The following ANKRD55 variants were observed in gnomAD, a reference collection of about 807,000 sequenced individuals.
ANKRD55 encodes ankyrin repeat domain 55, also known as ankyrin repeat domain-containing protein 55.
In ANKRD55, 41 loss-of-function variants were observed where a neutral mutation model predicts 60.6. The ratio of observed to expected loss-of-function variants is 0.68; its 90% CI spans 0.53 to 0.88. The LOEUF is 0.88. ANKRD55 is among the 40% of genes least tolerant of loss of function. ANKRD55 has a pLI of 0.00. For synonymous variants in ANKRD55, 264 were observed against 290.3 expected (o/e 0.91, Z 0.92); for missense variants, 732 against 767.6 (o/e 0.95, Z 0.55).
At chr5:56,132,406 C>G (rs1757444449) in intron 7 of ANKRD55, among the ~76,000 whole-genome samples, 1 of 139,688 alleles carries the variant, frequency 7.2e-6, no homozygotes, top group South Asian at 2.2e-4. Context: ...CGGTGAAACC[C>G]TGTCTCTACT....
intron 2 of ANKRD55, among the ~76,000 whole-genome samples, chr5:56,207,738 G>A (rs577036784): frequency 3.9e-5 from 6 of 152,286 alleles, no homozygotes; most frequent in African/African-American, 7.2e-5. Context: ...CTTGCAGGAC[G>A]GGATGTTGCT....
intron 10 of ANKRD55, among the ~76,000 whole-genome samples, chr5:56,105,299 C>T (rs754965585): frequency 2.6e-5 from 4 of 152,120 alleles, no homozygotes; most frequent in African/African-American, 4.8e-5. Context: ...GTTGGCCAGG[C>T]TGATCTTGAA....
chr5:56,181,029 G>T (rs191498406), intron 3 of ANKRD55, among the ~76,000 whole-genome samples: 1 of 152,130 alleles, frequency 6.6e-6, no homozygotes, highest in African/African-American at 2.4e-5. Context: ...GGTGAAACCT[G>T]TCTCTACTAA....
At chr5:56,175,852 G>A (rs1305535820) in intron 4 of ANKRD55, among the ~76,000 whole-genome samples, 1 of 152,102 alleles carries the variant, frequency 6.6e-6, no homozygotes, top group Non-Finnish European at 1.5e-5. Context: ...GAAGCACCAA[G>A]TGTGTCCAGA....
At chr5:56,221,555 C>T (rs1439912120) in intron 2 of ANKRD55, among the ~76,000 whole-genome samples, 2 of 152,244 alleles carry the variant, frequency 1.3e-5, no homozygotes, top group Non-Finnish European at 2.9e-5. Flanking sequence ...GGCATCACCT[C>T]ACGCGGGAAG....
intron 7 of ANKRD55, among the ~76,000 whole-genome samples, chr5:56,131,747 G>C (rs1757420218): frequency 7.8e-6 from 1 of 127,442 alleles, no homozygotes. Flanking sequence ...AGTGAGCCGA[G>C]ATCGCGCCAT....
intron 10 of ANKRD55, among the ~76,000 whole-genome samples, chr5:56,106,874 G>A (rs556004666): frequency 6.6e-6 from 1 of 151,916 alleles, no homozygotes; most frequent in Non-Finnish European, 1.5e-5. Context: ...ATTAGCCAGA[G>A]GAGGAGATGT....
intron 8 of ANKRD55, among the ~76,000 whole-genome samples, chr5:56,120,952 A>T (rs1454333705): frequency 6.6e-6 from 1 of 150,598 alleles, no homozygotes; most frequent in African/African-American, 2.4e-5. Flanking sequence ...GGACCACTGG[A>T]CTCAGGAGCA....
chr5:56,225,729 T>G (rs1283129752), intron 2 of ANKRD55, among the ~76,000 whole-genome samples: 1 of 152,178 alleles, frequency 6.6e-6, no homozygotes, highest in East Asian at 1.9e-4. Context: ...GAACTCCCAT[T>G]CACAATTGCT....
chr5:56,177,774 CAA>C (rs61601176), intron 3 of ANKRD55, among the ~76,000 whole-genome samples: 38,089 of 147,372 alleles, frequency 0.26, 8,186 homozygotes, highest in African/African-American at 0.59. Context: ...GACTCCATCT[CAA>C]AAAAAAAACA....
At chr5:56,168,193 A>G (rs1343061853) in intron 5 of ANKRD55, among the ~76,000 whole-genome samples, 2 of 152,350 alleles carry the variant, frequency 1.3e-5, no homozygotes, top group Middle Eastern at 6.8e-3. Context: ...TGAGGTTTTA[A>G]AGAACTGAGT....
chr5:56,225,046 A>G (rs530723314), intron 2 of ANKRD55, among the ~76,000 whole-genome samples: 37 of 152,312 alleles, frequency 2.4e-4, no homozygotes, highest in African/African-American at 8.7e-4. Flanking sequence ...AGAATTTTAG[A>G]CCAATATCCT....
rs769932382 is a variant in ANKRD55, at chr5:56,116,810, A to G, written c.798-28T>C. On this transcript the variant is annotated intron_variant, in intron 8 of 11. Transcript: ENST00000341048. ...GGAGGGGCCATGTGAAAAAAGCACA[A>G]GCGTCTGAGCATGTGAATTGTTCAG... The G allele has an allele frequency of 2.1e-5, 33 of 1,559,622 alleles. No individual in the cohort carries two copies. The East Asian group carries it at 2.4e-4, about 11-fold the overall frequency.
At chr5:56,100,444 C>T (rs1756238444) in intron 11 of ANKRD55, 140 bp from the exon 12 acceptor site, 1 of 979,350 alleles carries the variant, frequency 1.0e-6, no homozygotes, top group African/African-American at 1.6e-5. Flanking sequence ...CAGAGAGAAG[C>T]TGTGTATGTA....
At chr5:56,160,471 C>T (rs887896634) in intron 5 of ANKRD55, among the ~76,000 whole-genome samples, 1 of 152,176 alleles carries the variant, frequency 6.6e-6, no homozygotes, top group African/African-American at 2.4e-5. Context: ...GATCTCCTGA[C>T]CTCGTGGTCC....
intron 10 of ANKRD55, among the ~76,000 whole-genome samples, chr5:56,105,332 C>A (rs1374848915): frequency 6.6e-6 from 1 of 152,146 alleles, no homozygotes; most frequent in Non-Finnish European, 1.5e-5. Flanking sequence ...GGTGATCCAC[C>A]CGTCTCAGCC....
intron 10 of ANKRD55, among the ~76,000 whole-genome samples, chr5:56,109,478 C>T (rs974418838): frequency 3.3e-5 from 5 of 151,584 alleles, no homozygotes; most frequent in East Asian, 1.9e-4. Context: ...GAACAGGTTT[C>T]GGAAGCTGTT....
intron 10 of ANKRD55, among the ~76,000 whole-genome samples, chr5:56,110,269 C>T (rs1281834139): frequency 6.6e-6 from 1 of 150,444 alleles, no homozygotes. Flanking sequence ...TGTAGCAGTG[C>T]GCAACTGTAG....
intron 7 of ANKRD55, among the ~76,000 whole-genome samples, chr5:56,130,190 T>C (rs974089699): frequency 2.0e-5 from 3 of 152,136 alleles, no homozygotes; most frequent in African/African-American, 7.2e-5. Context: ...AAAAGGTACC[T>C]TTTTTTAATA....
Sources: allele counts gnomAD v4.1 joint callset (sites outside exome capture counted in the v4.1 genomes callset), GRCh38; gene constraint gnomAD v4.1.1; transcripts MANE v1.5; gene names NCBI Gene and HGNC (gene_info 2026-07-23, HGNC 2026-07-21).